Variants in CACNA2D3 observed in about 807,000 individuals in gnomAD.
CACNA2D3 encodes voltage-dependent calcium channel subunit alpha-2/delta-3.
CACNA2D3 carries 60 observed loss-of-function variants against 160.6 expected under a neutral mutation model. That is an observed-to-expected ratio of 0.37 (90% CI 0.30 to 0.46). The LOEUF (loss-of-function observed/expected upper bound fraction) is 0.46, where lower values mean the gene tolerates loss of function less well. CACNA2D3 is among the 20% of genes least tolerant of loss of function. The pLI is 1.00. For missense variants in CACNA2D3, 1,205 were observed against 1,365.0 expected, an observed-to-expected ratio of 0.88 and a Z score of 1.85; for synonymous variants, 558 against 492.9, an observed-to-expected ratio of 1.13 and a Z score of -1.75.
intron 13 of CACNA2D3, among the ~76,000 whole-genome samples, chr3:54,814,829 A>G (rs1450955746): frequency 1.3e-5 from 2 of 152,114 alleles, no homozygotes; most frequent in African/African-American, 4.8e-5. Context: ...AGAGAGAGAA[A>G]GGACAGCTCT....
At chr3:55,039,982 G>A (rs559956065) in intron 35 of CACNA2D3, among the ~76,000 whole-genome samples, 7 of 151,960 alleles carry the variant, frequency 4.6e-5, no homozygotes, top group African/African-American at 7.3e-5. Flanking sequence ...AAAAAATACC[G>A]TAGGCTGGAT....
At chr3:54,657,263 A>T (rs541139676) in intron 11 of CACNA2D3, among the ~76,000 whole-genome samples, 9 of 152,158 alleles carry the variant, frequency 5.9e-5, no homozygotes, top group Non-Finnish European at 1.2e-4. Context: ...GTCACAGGGG[A>T]TATGATGGCT....
chr3:54,608,606 A>G (rs1698684701), intron 9 of CACNA2D3, among the ~76,000 whole-genome samples: 1 of 152,216 alleles, frequency 6.6e-6, no homozygotes, highest in African/African-American at 2.4e-5. Context: ...TTGAGATAAC[A>G]AAGACTGGTG....
In CACNA2D3 at chr3:54,151,499, G is replaced by T. The variant is rs188319785; in HGVS notation, c.204+27905G>T. On this transcript the variant is annotated intron_variant, in intron 2 of 37. Coordinates refer to ENST00000474759, the MANE Select transcript of CACNA2D3 (RefSeq NM_018398.3). ...TAACTGTGTTTTTCTGCTCTCAGGG[G>T]CCTTGGAATTATTGGCCATTCTCCT... Among the ~76,000 whole-genome samples, 419 of 152,164 alleles carry T rather than the reference G, an allele frequency of 2.8e-3. 17 individuals carry two copies. Among genetic ancestry groups the T allele is most frequent in the Admixed American group, 0.027 (413 of 15,294 alleles).
At chr3:54,225,903 C>G (rs1037562303) in intron 2 of CACNA2D3, among the ~76,000 whole-genome samples, 34 of 151,982 alleles carry the variant, frequency 2.2e-4, no homozygotes, top group African/African-American at 8.0e-4. Flanking sequence ...AGAGAATTTT[C>G]TTTAATTTCC....
intron 4 of CACNA2D3, among the ~76,000 whole-genome samples, chr3:54,499,354 C>T (rs780244825): frequency 3.9e-5 from 6 of 152,042 alleles, no homozygotes; most frequent in Non-Finnish European, 8.8e-5. Flanking sequence ...TTAAAAAGAA[C>T]AAATTTTTGG....
At chr3:54,327,168 A>G (rs559525870) in intron 3 of CACNA2D3, among the ~76,000 whole-genome samples, 1 of 152,332 alleles carries the variant, frequency 6.6e-6, no homozygotes, top group Non-Finnish European at 1.5e-5. Context: ...GGTTTCCGCT[A>G]ACATACTTCA....
intron 2 of CACNA2D3, among the ~76,000 whole-genome samples, chr3:54,140,702 A>G (rs868232001): frequency 1.3e-4 from 20 of 152,238 alleles, no homozygotes; most frequent in Middle Eastern, 6.8e-3. Flanking sequence ...TGGGTTGCAC[A>G]CCCACCCTCT....
chr3:54,973,548 C>G (rs1702321237), intron 29 of CACNA2D3, among the ~76,000 whole-genome samples: 1 of 152,254 alleles, frequency 6.6e-6, no homozygotes, highest in South Asian at 2.1e-4. Flanking sequence ...TTTTCTAAGG[C>G]TTGTAGGCAT....
At chr3:54,626,031 T>A (rs1450260828) in intron 9 of CACNA2D3, among the ~76,000 whole-genome samples, 1 of 152,172 alleles carries the variant, frequency 6.6e-6, no homozygotes, top group Non-Finnish European at 1.5e-5. Context: ...GGTGGATATT[T>A]TCCATGAGCT....
intron 18 of CACNA2D3, chr3:54,878,675 T>C: frequency 5.2e-6 from 1 of 192,776 alleles, no homozygotes; most frequent in Non-Finnish European, 1.0e-5. Flanking sequence ...CAGTACCCTT[T>C]TTGAAAACGT....
chr3:54,319,929 T>C (rs1313193524), intron 2 of CACNA2D3, among the ~76,000 whole-genome samples: 1 of 152,236 alleles, frequency 6.6e-6, no homozygotes, highest in African/African-American at 2.4e-5. Flanking sequence ...TTCCCATATC[T>C]GCTTCTGTGT....
At chr3:55,043,194 A>G (rs1415754653) in intron 35 of CACNA2D3, among the ~76,000 whole-genome samples, 3 of 152,156 alleles carry the variant, frequency 2.0e-5, no homozygotes, top group African/African-American at 7.2e-5. Context: ...AAACTGTTTT[A>G]CATAGTATCT....
At chr3:54,242,672 A>G (rs1338119585) in intron 2 of CACNA2D3, among the ~76,000 whole-genome samples, 1 of 152,140 alleles carries the variant, frequency 6.6e-6, no homozygotes, top group Non-Finnish European at 1.5e-5. Context: ...CAAAGAGACG[A>G]TTCAGGTCCT....
chr3:55,026,235 G>T (rs2107170354), intron 35 of CACNA2D3, among the ~76,000 whole-genome samples: 1 of 152,288 alleles, frequency 6.6e-6, no homozygotes, highest in South Asian at 2.1e-4. Context: ...TGGCAGGTAA[G>T]ATATGAGGGC....
At chr3:55,032,446 A>G (rs1161899025) in intron 35 of CACNA2D3, among the ~76,000 whole-genome samples, 1 of 152,194 alleles carries the variant, frequency 6.6e-6, no homozygotes, top group African/African-American at 2.4e-5. Flanking sequence ...GCAAATCTCC[A>G]TTAGGTGTAC....
At chr3:54,929,981 A>G (rs574451842) in intron 27 of CACNA2D3, among the ~76,000 whole-genome samples, 155 of 152,270 alleles carry the variant, frequency 1.0e-3, no homozygotes, top group Non-Finnish European at 1.7e-3. Context: ...GGGGTCAGAA[A>G]CATTTTTTTG....
At chr3:54,883,276 C>T (rs998519773) in intron 21 of CACNA2D3, among the ~76,000 whole-genome samples, 1 of 152,184 alleles carries the variant, frequency 6.6e-6, no homozygotes, top group Non-Finnish European at 1.5e-5. Flanking sequence ...CCTTCCTCGG[C>T]CTCCGAAAGT....
chr3:54,818,900 G>A (rs1316779851), intron 14 of CACNA2D3, among the ~76,000 whole-genome samples: 1 of 152,204 alleles, frequency 6.6e-6, no homozygotes, highest in Non-Finnish European at 1.5e-5. Flanking sequence ...GGGAAATTCA[G>A]CTCTTTGAAG....
Sources: gnomAD v4.1 joint callset for allele counts (sites outside exome capture counted in the v4.1 genomes callset) on GRCh38, gnomAD v4.1.1 for gene constraint, MANE v1.5 for transcripts, NCBI Gene and HGNC (gene_info 2026-07-23, HGNC 2026-07-21) for gene names.